CCDC178: variants seen among roughly 807,000 people sequenced by gnomAD.
CCDC178 encodes the protein coiled-coil domain-containing protein 178.
CCDC178 carries 126 observed loss-of-function variants against 117.4 expected under a neutral mutation model. That is an observed-to-expected ratio of 1.07 (90% CI 0.93 to 1.24). The LOEUF is 1.24. Among genes scored for constraint, CCDC178 ranks in the 50% most tolerant of loss-of-function variants. The pLI is 0.00. For missense variants in CCDC178, 1,030 were observed against 986.9 expected (o/e 1.04, Z -0.59); for synonymous variants, 283 against 313.4 (o/e 0.90, Z 1.02).
At chr18:33,131,609 T>A (rs767469017) in intron 20 of CCDC178, among the ~76,000 whole-genome samples, 1 of 151,782 alleles carries the variant, frequency 6.6e-6, no homozygotes, top group Non-Finnish European at 1.5e-5. Context: ...CCCACCAACA[T>A]TATGCCATTT....
chr18:33,076,591 A>G (rs575871937), intron 21 of CCDC178, among the ~76,000 whole-genome samples: 5 of 152,308 alleles, frequency 3.3e-5, no homozygotes, highest in Admixed American at 2.0e-4. Flanking sequence ...TTTGTGTGAT[A>G]TATTTGTCAG....
chr18:33,178,271 T>A (rs759994290), intron 20 of CCDC178, among the ~76,000 whole-genome samples: 76 of 152,274 alleles, frequency 5.0e-4, no homozygotes, highest in Non-Finnish European at 6.8e-4. Context: ...AACTCCTCTG[T>A]CCCACCAGTT....
chr18:33,326,838 G>T (rs1196915904), intron 10 of CCDC178, among the ~76,000 whole-genome samples: 1 of 151,556 alleles, frequency 6.6e-6, no homozygotes, highest in African/African-American at 2.4e-5. Flanking sequence ...TACCTCCCAG[G>T]TATTGGGTTG....
chr18:32,958,473 A>G (rs1207490596), intron 22 of CCDC178, among the ~76,000 whole-genome samples: 2 of 152,220 alleles, frequency 1.3e-5, no homozygotes, highest in Non-Finnish European at 2.9e-5. Flanking sequence ...TGATATGTCT[A>G]TCAACACATT....
At chr18:33,407,148 A>G (rs940137602) in intron 3 of CCDC178, among the ~76,000 whole-genome samples, 2 of 152,134 alleles carry the variant, frequency 1.3e-5, no homozygotes, top group Non-Finnish European at 2.9e-5. Flanking sequence ...GGACCTGGAG[A>G]GCTGTTCTGA....
At chr18:33,177,501 T>G (rs2058677535) in intron 20 of CCDC178, among the ~76,000 whole-genome samples, 1 of 152,204 alleles carries the variant, frequency 6.6e-6, no homozygotes, top group Admixed American at 6.6e-5. Context: ...CTTGGGGAGT[T>G]GGCTTTGTGA....
intron 20 of CCDC178, among the ~76,000 whole-genome samples, chr18:33,179,078 A>AAAAAATATATATAT (rs71159804): frequency 3.6e-5 from 2 of 55,852 alleles, no homozygotes; most frequent in Non-Finnish European, 5.7e-5. Context: ...AAAAAAAAAA[A>AAAAAATATATATAT]ATATATATAT....
At chr18:33,188,874 C>T (rs976958919) in intron 20 of CCDC178, among the ~76,000 whole-genome samples, 2 of 152,152 alleles carry the variant, frequency 1.3e-5, no homozygotes, top group Non-Finnish European at 2.9e-5. Context: ...AAAATGACTA[C>T]AGTGGTTCAA....
At chr18:33,409,932 A>G (rs2063828446) in intron 3 of CCDC178, among the ~76,000 whole-genome samples, 1 of 152,220 alleles carries the variant, frequency 6.6e-6, no homozygotes, top group Non-Finnish European at 1.5e-5. Flanking sequence ...TTAGCCAAAC[A>G]GACATATTTT....
chr18:33,399,122 C>T (rs1054906633), intron 3 of CCDC178, among the ~76,000 whole-genome samples: 2 of 152,044 alleles, frequency 1.3e-5, no homozygotes, highest in African/African-American at 2.4e-5. Flanking sequence ...ATTGCTTGAA[C>T]CCGCAAGGCG....
intron 21 of CCDC178, among the ~76,000 whole-genome samples, chr18:32,996,646 A>C (rs1437049981): frequency 6.6e-6 from 1 of 152,042 alleles, no homozygotes; most frequent in East Asian, 1.9e-4. Context: ...AGTTGAATAC[A>C]AACAATTAAG....
rs1221655596 is a variant in CCDC178 at position 33,346,379 on chromosome 18, C to T, written c.490G>A (p.Glu164Lys). ...CGAATGGCCTCTGAGAGCAATGTTT[C>T]CATTTCCTGCTTTAACTCTGGACAC... The part of the protein sequence containing the change: ...EKCPELKQEM[E>K]TLLSEAIRLI... The change falls in exon 9 of 23, where the codon GAA becomes AAA. Residue 164 changes from glutamate (E) to lysine (K), a missense_variant. By Grantham distance (56) the Glu-to-Lys change is moderately conservative. Coordinates refer to ENST00000383096, the MANE Select transcript of CCDC178 (RefSeq NM_001105528.4). 1 of 1,613,074 alleles carries T rather than the reference C, an allele frequency of 6.2e-7. No individual in the cohort carries two copies. The highest frequency in any genetic ancestry group is 8.5e-7 in the Non-Finnish European group (1 of 1,179,234).
At chr18:33,028,561 T>C (rs2056273753) in intron 21 of CCDC178, among the ~76,000 whole-genome samples, 2 of 151,858 alleles carry the variant, frequency 1.3e-5, no homozygotes, top group South Asian at 4.1e-4. Flanking sequence ...AAAGTTATGA[T>C]GTTGTGGTTT....
At chr18:33,078,509 A>AC (rs2057247112) in intron 21 of CCDC178, among the ~76,000 whole-genome samples, 1 of 152,218 alleles carries the variant, frequency 6.6e-6, no homozygotes, top group Non-Finnish European at 1.5e-5. Flanking sequence ...TTTGCAGACG[A>AC]CATAATTCTA....
chr18:33,285,420 T>C (rs1008705825), intron 12 of CCDC178, among the ~76,000 whole-genome samples: 1 of 152,162 alleles, frequency 6.6e-6, no homozygotes, highest in African/African-American at 2.4e-5. Flanking sequence ...TATTTAAATA[T>C]GTATTAATTA....
intron 21 of CCDC178, among the ~76,000 whole-genome samples, chr18:32,988,674 A>C (rs1189402954): frequency 1.3e-5 from 2 of 152,060 alleles, no homozygotes; most frequent in Non-Finnish European, 2.9e-5. Flanking sequence ...AACCATATAT[A>C]TATGATAGAG....
intron 2 of CCDC178, among the ~76,000 whole-genome samples, chr18:33,422,723 A>G (rs1482961585): frequency 6.6e-6 from 1 of 152,220 alleles, no homozygotes; most frequent in African/African-American, 2.4e-5. Context: ...TGCCTGGCAC[A>G]TCTGGTTGAA....
chr18:33,322,710 C>A (rs1237657558), intron 11 of CCDC178, among the ~76,000 whole-genome samples: 1 of 151,348 alleles, frequency 6.6e-6, no homozygotes, highest in African/African-American at 2.4e-5. Context: ...AAAGAGATTT[C>A]TTTATTAACT....
chr18:33,200,039 ACT>A (rs1261566908), intron 20 of CCDC178, among the ~76,000 whole-genome samples: 1 of 152,048 alleles, frequency 6.6e-6, no homozygotes, highest in Non-Finnish European at 1.5e-5. Flanking sequence ...GTCTACATTA[ACT>A]CAAAAAAATC....
Sources: allele counts gnomAD v4.1 joint callset (sites outside exome capture counted in the v4.1 genomes callset), GRCh38; gene constraint gnomAD v4.1.1; transcripts MANE v1.5; gene names NCBI Gene and HGNC (gene_info 2026-07-23, HGNC 2026-07-21).